CSMD1: variants seen among roughly 807,000 people sequenced by gnomAD.
CSMD1 encodes CUB and sushi domain-containing protein 1.
Under a neutral mutation model 417.5 loss-of-function variants are expected in CSMD1, and 213 were observed. The observed-to-expected ratio is 0.51, with a 90% CI of 0.46 to 0.57. The LOEUF is 0.57. Ranked by LOEUF, CSMD1 falls within the 20% of genes least tolerant of loss-of-function variation. The pLI, the probability that CSMD1 is intolerant of heterozygous loss-of-function variation, is 0.00. For missense variants in CSMD1, 6,923 were observed against 4,529.7 expected, an observed-to-expected ratio of 1.53 and a Z score of -15.17; for synonymous variants, 2,862 against 1,736.8, an observed-to-expected ratio of 1.65 and a Z score of -16.11.
intron 3 of CSMD1, among the ~76,000 whole-genome samples, chr8:4,055,564 A>G (rs1383209764): frequency 7.1e-6 from 1 of 141,312 alleles, no homozygotes; most frequent in African/African-American, 3.1e-5. Context: ...CATATAAAGA[A>G]GAAGAGTCAA....
chr8:4,133,729 G>A, intron 3 of CSMD1, among the ~76,000 whole-genome samples: 1 of 151,384 alleles, frequency 6.6e-6, no homozygotes, highest in East Asian at 1.9e-4. Flanking sequence ...GACTGTTTAT[G>A]GTTATGGTTT....
intron 3 of CSMD1, among the ~76,000 whole-genome samples, chr8:4,242,377 G>C (rs1168862771): frequency 6.6e-6 from 1 of 152,080 alleles, no homozygotes; most frequent in Non-Finnish European, 1.5e-5. Flanking sequence ...CTGTAAATGA[G>C]AGAAGAAAAC....
At chr8:4,932,070 A>G (rs756307359) in intron 1 of CSMD1, among the ~76,000 whole-genome samples, 33 of 152,202 alleles carry the variant, frequency 2.2e-4, no homozygotes, top group Non-Finnish European at 4.3e-4. Flanking sequence ...ATATTAAACA[A>G]TAGCATGAAT....
chr8:3,089,014 C>T (rs935756548), intron 48 of CSMD1, among the ~76,000 whole-genome samples: 44 of 152,170 alleles, frequency 2.9e-4, no homozygotes, highest in African/African-American at 9.9e-4. Flanking sequence ...TTTCTTCTCT[C>T]ACCAGCCCCT....
chr8:4,002,207 G>A (rs993802342), intron 4 of CSMD1, among the ~76,000 whole-genome samples: 1 of 151,184 alleles, frequency 6.6e-6, no homozygotes, highest in African/African-American at 2.4e-5. Flanking sequence ...GCCTGTGAGT[G>A]TGTGTGTGTG....
chr8:3,364,240 T>C (rs1284828875), intron 20 of CSMD1, among the ~76,000 whole-genome samples: 2 of 152,190 alleles, frequency 1.3e-5, no homozygotes, highest in South Asian at 4.1e-4. Context: ...CAAATGAAAT[T>C]ACTCCTCTAA....
chr8:4,170,668 G>T (rs1000390995), intron 3 of CSMD1, among the ~76,000 whole-genome samples: 1 of 151,664 alleles, frequency 6.6e-6, no homozygotes, highest in Non-Finnish European at 1.5e-5. Flanking sequence ...AGTAGAATAA[G>T]TTGGAGGAGC....
chr8:3,753,397 T>C (rs1199899694), intron 6 of CSMD1, among the ~76,000 whole-genome samples: 3 of 152,182 alleles, frequency 2.0e-5, no homozygotes, highest in Admixed American at 2.0e-4. Flanking sequence ...AACATTTCAT[T>C]ACCAAGCTCT....
At chr8:4,297,927 G>T (rs763254501) in intron 3 of CSMD1, among the ~76,000 whole-genome samples, 3 of 152,144 alleles carry the variant, frequency 2.0e-5, no homozygotes, top group Non-Finnish European at 2.9e-5. Flanking sequence ...GTTTTTATTA[G>T]CAAAGGAAAA....
chr8:3,737,059 G>C lies in CSMD1; in HGVS notation c.931+16871C>G, dbSNP rs2623701. ...GTCCAATTATAAAGTGCTTTAAGCG[G>C]ATTTGAAAGTCAGTGTTCATTTATA... On this transcript the variant is annotated intron_variant, in intron 6 of 69. Coordinates refer to ENST00000635120, the MANE Select transcript of CSMD1 (RefSeq NM_033225.6). Among the ~76,000 whole-genome samples the C allele has an allele frequency of 4.1e-3, 625 of 152,244 alleles. 20 individuals are homozygous for C. The East Asian group carries it at 0.076, about 19-fold the overall frequency.
chr8:3,811,806 G>T (rs987029074), intron 5 of CSMD1, among the ~76,000 whole-genome samples: 2 of 152,152 alleles, frequency 1.3e-5, no homozygotes, highest in African/African-American at 4.8e-5. Context: ...TGTCTACACT[G>T]CTTCAGCAAC....
intron 3 of CSMD1, among the ~76,000 whole-genome samples, chr8:4,113,906 C>T (rs28766110): frequency 0.14 from 20,584 of 152,090 alleles, 1,798 homozygotes; most frequent in African/African-American, 0.24. Context: ...AAGAAAACTC[C>T]GAAGCCAGCA....
chr8:3,963,585 A>G (rs1285291414), intron 5 of CSMD1, among the ~76,000 whole-genome samples: 1 of 152,208 alleles, frequency 6.6e-6, no homozygotes, highest in East Asian at 1.9e-4. Context: ...TCTACTAAGT[A>G]AACAAAAAAT....
At chr8:4,274,095 T>G (rs1028107370) in intron 3 of CSMD1, among the ~76,000 whole-genome samples, 2 of 152,214 alleles carry the variant, frequency 1.3e-5, no homozygotes, top group African/African-American at 4.8e-5. Flanking sequence ...ATTTACTATA[T>G]GGAACATATT....
chr8:3,819,006 A>C (rs891641681), intron 5 of CSMD1, among the ~76,000 whole-genome samples: 1 of 152,208 alleles, frequency 6.6e-6, no homozygotes, highest in Non-Finnish European at 1.5e-5. Flanking sequence ...TCAATGATTT[A>C]TCACTCTCTT....
chr8:3,929,587 A>C (rs1809995413), intron 5 of CSMD1, among the ~76,000 whole-genome samples: 1 of 150,762 alleles, frequency 6.6e-6, no homozygotes. Flanking sequence ...ATAAGATAAA[A>C]AATAAATGTG....
At chr8:4,073,204 A>G (rs368727099) in intron 3 of CSMD1, among the ~76,000 whole-genome samples, 2 of 152,186 alleles carry the variant, frequency 1.3e-5, no homozygotes, top group Non-Finnish European at 2.9e-5. Flanking sequence ...GCTCACAACA[A>G]TAACTTGTTT....
intron 10 of CSMD1, among the ~76,000 whole-genome samples, chr8:3,504,229 G>A (rs933492215): frequency 1.4e-5 from 2 of 144,212 alleles, no homozygotes; most frequent in Non-Finnish European, 3.0e-5. Context: ...CAATTATTAT[G>A]TATTAATTAA....
intron 1 of CSMD1, among the ~76,000 whole-genome samples, chr8:4,772,129 G>C (rs577360142): frequency 6.6e-6 from 1 of 152,106 alleles, no homozygotes; most frequent in Non-Finnish European, 1.5e-5. Context: ...TGGGTCCACC[G>C]AGAGCAGAAG....
Sources: allele counts gnomAD v4.1 joint callset (sites outside exome capture counted in the v4.1 genomes callset), GRCh38; gene constraint gnomAD v4.1.1; transcripts MANE v1.5; gene names NCBI Gene and HGNC (gene_info 2026-07-23, HGNC 2026-07-21).